Variants in ERAP1 observed in about 807,000 individuals in gnomAD.
The protein encoded by ERAP1 is adipocyte-derived leucine aminopeptidase.
ERAP1 carries 86 observed loss-of-function variants against 103.7 expected under a neutral mutation model. The observed-to-expected ratio is 0.83, with a 90% CI of 0.70 to 0.99. ERAP1 has a LOEUF of 0.99. ERAP1 is among the 50% of genes least tolerant of loss of function. The probability of loss-of-function intolerance (pLI) is 0.00; values close to 1 mark genes in which losing one functional copy is unlikely to be tolerated. For missense variants in ERAP1, 1,009 were observed against 1,128.4 expected (o/e 0.89, Z 1.52); for synonymous variants, 398 against 402.4 (o/e 0.99, Z 0.13).
the ERAP1 span, among the ~76,000 whole-genome samples, chr5:96,900,676 A>C: frequency 1.3e-5 from 2 of 151,924 alleles, no homozygotes; most frequent in Non-Finnish European, 2.9e-5. Flanking sequence ...TATATACATA[A>C]ATTTATATTT....
chr5:96,915,618 T>G, the ERAP1 span: 5 of 831,894 alleles, frequency 6.0e-6, no homozygotes, highest in African/African-American at 8.9e-5. Context: ...ATTAAAAATA[T>G]AATACATGAT....
chr5:96,817,761 A>T, the ERAP1 span, among the ~76,000 whole-genome samples: 2 of 152,208 alleles, frequency 1.3e-5, no homozygotes, highest in African/African-American at 4.8e-5. Context: ...CATGTGTGCC[A>T]CAATCTTTCC....
At chr5:96,877,584 A>C in the ERAP1 span, among the ~76,000 whole-genome samples, 1 of 152,258 alleles carries the variant, frequency 6.6e-6, no homozygotes, top group African/African-American at 2.4e-5. Flanking sequence ...GGAAGGTATA[A>C]TTATTACACT....
chr5:96,889,831 TACACACACACACACACAC>T, the ERAP1 span, among the ~76,000 whole-genome samples: 2 of 148,756 alleles, frequency 1.3e-5, no homozygotes, highest in African/African-American at 4.9e-5. Context: ...AAAAAATACA[TACACACACACACACACAC>T]ACACACACAC....
At chr5:96,906,548 G>C in the ERAP1 span, among the ~76,000 whole-genome samples, 5 of 152,322 alleles carry the variant, frequency 3.3e-5, no homozygotes, top group East Asian at 9.6e-4. Flanking sequence ...GATTACAGGT[G>C]TGAGCCACTG....
At chr5:96,765,933 A>G in intron 19 of ERAP1, 1 of 630,350 alleles carries the variant, frequency 1.6e-6, no homozygotes, top group South Asian at 2.1e-5. Flanking sequence ...AAAAAATAAA[A>G]ACAGACCATA....
chr5:96,856,365 T>TATATATATATATATATATATAGAG, the ERAP1 span, among the ~76,000 whole-genome samples: 17 of 20,374 alleles, frequency 8.3e-4, no homozygotes, highest in Non-Finnish European at 1.3e-3. Flanking sequence ...TATATATATA[T>TATATATATATATATATATATAGAG]AGAGAGAGAG....
At chr5:96,837,066 G>A in the ERAP1 span, among the ~76,000 whole-genome samples, 2 of 152,100 alleles carry the variant, frequency 1.3e-5, 1 homozygote, top group South Asian at 4.1e-4. Context: ...AAAATGAATT[G>A]GAGAGGAAGG....
the ERAP1 span, among the ~76,000 whole-genome samples, chr5:96,833,357 T>A: frequency 1.3e-5 from 2 of 152,244 alleles, no homozygotes; most frequent in African/African-American, 4.8e-5. Context: ...ACACCTTCTG[T>A]GCTTTGATCA....
chr5:96,837,929 C>T, the ERAP1 span, among the ~76,000 whole-genome samples: 1 of 152,232 alleles, frequency 6.6e-6, no homozygotes, highest in South Asian at 2.1e-4. Flanking sequence ...ATCAAGCCGT[C>T]CCTCTGAAGT....
the ERAP1 span, among the ~76,000 whole-genome samples, chr5:96,923,387 C>T: frequency 1.3e-5 from 2 of 152,054 alleles, no homozygotes; most frequent in African/African-American, 2.4e-5. Context: ...AAACCTAAAA[C>T]GTGCTGTCTA....
At position 96,762,418 on chromosome 5, in the gene ERAP1, A is replaced by C. The variant is rs201046545; in HGVS notation, c.*782T>G. On this transcript the variant is annotated 3_prime_UTR_variant, in exon 20 of 20. Transcript: ENST00000296754. ...GGGAGATAAATGTTTTTGCGCAGCC[A>C]CAACTAGAAAGAAAATAGGGCGCCT... 204 of 1,383,940 alleles carry C rather than the reference A, an allele frequency of 1.5e-4. 1 individual carries two copies. In the East Asian group the frequency reaches 4.9e-3, roughly 33 times the overall value. 85.7% of individuals were successfully genotyped at this position (1,383,940 alleles called of 1,614,324 possible).
chr5:96,771,836 G>A, downstream of ERAP1: 1 of 538,248 alleles, frequency 1.9e-6, no homozygotes, highest in Non-Finnish European at 3.3e-6. Context: ...AATGCATACT[G>A]CAAGATCTAC....
intron 11 of ERAP1, 92 bp downstream of exon 11, chr5:96,788,439 A>T: frequency 6.9e-7 from 1 of 1,442,294 alleles, no homozygotes; most frequent in Non-Finnish European, 9.7e-7. Context: ...TTTTAGCAAT[A>T]GTGGTAAGGG....
chr5:96,893,762 G>A, the ERAP1 span, among the ~76,000 whole-genome samples: 1 of 152,046 alleles, frequency 6.6e-6, no homozygotes, highest in Admixed American at 6.6e-5. Context: ...CATAACCCTG[G>A]CAAAGATTTC....
the ERAP1 span, among the ~76,000 whole-genome samples, chr5:96,927,836 A>G: frequency 3.3e-5 from 5 of 152,204 alleles, no homozygotes; most frequent in East Asian, 1.9e-4. Context: ...TATGCTAGAT[A>G]CAAGTCCCTT....
the ERAP1 span, among the ~76,000 whole-genome samples, chr5:96,838,844 G>A: frequency 7.9e-5 from 12 of 151,964 alleles, no homozygotes; most frequent in Non-Finnish European, 1.8e-4. Flanking sequence ...CATTTGCCAT[G>A]CAATTCTGAT....
the ERAP1 span, among the ~76,000 whole-genome samples, chr5:96,874,367 A>C: frequency 1.3e-5 from 2 of 152,180 alleles, no homozygotes; most frequent in African/African-American, 4.8e-5. Context: ...GAGAGCTCTG[A>C]AAACACACAT....
chr5:96,887,114 C>T, the ERAP1 span, among the ~76,000 whole-genome samples: 1 of 148,554 alleles, frequency 6.7e-6, no homozygotes, highest in Admixed American at 6.7e-5. Context: ...CACACACACA[C>T]ACACACACAC....
Sources: gnomAD v4.1 joint callset for allele counts (sites outside exome capture counted in the v4.1 genomes callset) on GRCh38, gnomAD v4.1.1 for gene constraint, MANE v1.5 for transcripts, NCBI Gene and HGNC (gene_info 2026-07-23, HGNC 2026-07-21) for gene names.